EPB41L4B: variants seen among roughly 807,000 people sequenced by gnomAD.
EPB41L4B encodes band 4.1-like protein 4B.
EPB41L4B carries 30 observed loss-of-function variants against 112.5 expected under a neutral mutation model. The observed-to-expected ratio is 0.27, with a 90% CI of 0.20 to 0.36. The LOEUF (loss-of-function observed/expected upper bound fraction) is 0.36, where lower values mean the gene tolerates loss of function less well. Ranked by LOEUF, EPB41L4B falls within the 10% of genes least tolerant of loss-of-function variation. The pLI, the probability that EPB41L4B is intolerant of heterozygous loss-of-function variation, is 1.00. For missense variants in EPB41L4B, 1,024 were observed against 1,133.3 expected (o/e 0.90, Z 1.38); for synonymous variants, 408 against 439.7 (o/e 0.93, Z 0.90).
At chr9:109,259,435 G>A (rs1397186648) in intron 6 of EPB41L4B, among the ~76,000 whole-genome samples, 1 of 152,148 alleles carries the variant, frequency 6.6e-6, no homozygotes, top group Non-Finnish European at 1.5e-5. Flanking sequence ...GGCGACCCTG[G>A]AAAACACTTT....
chr9:109,313,762 G>A (rs750814569), intron 1 of EPB41L4B, among the ~76,000 whole-genome samples: 24 of 152,288 alleles, frequency 1.6e-4, no homozygotes, highest in South Asian at 2.1e-4. Flanking sequence ...GAGGAGAGCC[G>A]AGGGCCTCAC....
Position 109,320,269 on chromosome 9 carries a change from G to A in EPB41L4B, c.178C>T (p.Pro60Ser). The A allele has an allele frequency of 8.4e-7, 1 of 1,191,094 alleles. No homozygotes were observed. The highest frequency in any genetic ancestry group is 1.0e-6 in the Non-Finnish European group (1 of 957,520). The allele number at this position is 1,191,094 out of a possible 1,614,324, so 73.8% of individuals were successfully genotyped here. ...GTGAGCAGGGGCCCGCCGCCCGCCG[G>A]GAACACGCTGCCCCCGGGCGCGGCG... is the stretch of plus-strand genomic sequence containing the variant. ...LPAAPGGSVF[P>S]AGGGPLLTGG... Residue 60 changes from proline (P) to serine (S), a missense_variant, in exon 1 of 26, where the codon CCG becomes TCG. By Grantham distance (74) the Pro-to-Ser change is moderately conservative. Transcript: ENST00000374566.
intron 15 of EPB41L4B, among the ~76,000 whole-genome samples, chr9:109,221,109 T>A (rs1039946110): frequency 6.6e-6 from 1 of 152,186 alleles, no homozygotes; most frequent in South Asian, 2.1e-4. Flanking sequence ...ATCCAGTACT[T>A]GCTGTATGTC....
intron 1 of EPB41L4B, among the ~76,000 whole-genome samples, chr9:109,303,139 G>T (rs540770698): frequency 4.8e-4 from 72 of 150,678 alleles, no homozygotes; most frequent in Non-Finnish European, 8.9e-4. Flanking sequence ...GGTATACATA[G>T]TATGATCCCA....
At chr9:109,306,598 G>C (rs1440460531) in intron 1 of EPB41L4B, among the ~76,000 whole-genome samples, 1 of 129,572 alleles carries the variant, frequency 7.7e-6, no homozygotes, top group East Asian at 2.3e-4. Context: ...GGGCAACAGA[G>C]CGAGCAAAAA....
chr9:109,254,186 C>T (rs191466445), intron 11 of EPB41L4B, among the ~76,000 whole-genome samples: 2 of 152,334 alleles, frequency 1.3e-5, no homozygotes, highest in Admixed American at 1.3e-4. Flanking sequence ...CAGAAAGGAA[C>T]ATGGTCTGGG....
intron 1 of EPB41L4B, chr9:109,300,591 G>A (rs1836923655): frequency 6.6e-6 from 1 of 152,100 alleles, no homozygotes; most frequent in African/African-American, 2.4e-5. Flanking sequence ...TTTGAGAACA[G>A]CCTGGCCAAC....
chr9:109,269,212 C>T (rs953953123), intron 2 of EPB41L4B, among the ~76,000 whole-genome samples: 2 of 152,168 alleles, frequency 1.3e-5, no homozygotes, highest in African/African-American at 4.8e-5. Context: ...ATTCACAACC[C>T]CTTTATTCTT....
rs535541165 is a variant in EPB41L4B, at chr9:109,315,244, C to T, written c.306+4897G>A. Among the ~76,000 whole-genome samples, 105 of 152,234 alleles carry T rather than the reference C, an allele frequency of 6.9e-4. 1 individual carries two copies. Among genetic ancestry groups the T allele is most frequent in the Middle Eastern group, 3.4e-3 (1 of 294 alleles). ...CATGGTGTAGCTGCCTCTGTTCTCA[C>T]AGTTCTAGGGCCAGGGTTTTTCACT... On this transcript the variant is annotated intron_variant, in intron 1 of 25. Transcript: ENST00000374566.
intron 1 of EPB41L4B, among the ~76,000 whole-genome samples, chr9:109,299,659 T>A (rs1241986665): frequency 6.6e-6 from 1 of 152,120 alleles, no homozygotes; most frequent in African/African-American, 2.4e-5. Flanking sequence ...CATGTACAAC[T>A]CAAAGAATTA....
rs1420406068 is a variant in EPB41L4B, at chr9:109,279,908, C to T, written c.320G>A (p.Gly107Asp). Reference sequence around the variant, plus strand: ...CACAATCTGATCAAACAAATCCTGGCCTTTGGCATGTTTCTGGAAGACAAT... The same window carrying T: ...CACAATCTGATCAAACAAATCCTGGTCTTTGGCATGTTTCTGGAAGACAAT... The part of the protein sequence containing the change: ...VSVDLPKHAK[G>D]QDLFDQIVYH... Residue 107 changes from glycine to aspartate, a missense_variant, in exon 2 of 26, where the codon GGC becomes GAC. Transcript: ENST00000374566. The T allele has an allele frequency of 6.2e-7, 1 of 1,613,558 alleles. No homozygotes were observed. The highest frequency in any genetic ancestry group is 1.1e-5 in the South Asian group (1 of 90,912).
chr9:109,287,779 G>T (rs1836353191), intron 1 of EPB41L4B, among the ~76,000 whole-genome samples: 1 of 152,054 alleles, frequency 6.6e-6, no homozygotes, highest in Admixed American at 6.5e-5. Context: ...GACCACAGGT[G>T]TACTCCACTA....
chr9:109,253,650 G>A (rs897556385), intron 11 of EPB41L4B, 100 bp from the exon 12 acceptor site: 52 of 770,558 alleles, frequency 6.7e-5, no homozygotes, highest in Admixed American at 2.0e-4. Context: ...TCCAACGTAC[G>A]TTTCAACTTA....
At chr9:109,257,592 G>C (rs1468713862) in intron 7 of EPB41L4B, among the ~76,000 whole-genome samples, 1 of 152,190 alleles carries the variant, frequency 6.6e-6, no homozygotes, top group Non-Finnish European at 1.5e-5. Context: ...ATGCCCTGGG[G>C]TGTCACTAAG....
intron 2 of EPB41L4B, among the ~76,000 whole-genome samples, chr9:109,278,592 G>A (rs1284400504): frequency 6.6e-6 from 1 of 152,092 alleles, no homozygotes; most frequent in Non-Finnish European, 1.5e-5. Context: ...ACCATTATGG[G>A]AGCTCCAGGT....
At position 109,283,423 on chromosome 9, in the gene EPB41L4B, T is replaced by C. The variant is rs10979800; in HGVS notation, c.307-3502A>G. On this transcript the variant is annotated intron_variant, in intron 1 of 25. Transcript: ENST00000374566. Reference sequence around the variant, plus strand: ...TCTTTCCTTCCTCGACATACTCCTCTGAAGGCAACAGGTCAACAGAAGCAG... The same window carrying C: ...TCTTTCCTTCCTCGACATACTCCTCCGAAGGCAACAGGTCAACAGAAGCAG... 6.3e-3 allele frequency among the ~76,000 whole-genome samples: 956 copies of C among 152,302 alleles called. 22 individuals carry two copies. In the East Asian group the frequency reaches 0.093, roughly 15 times the overall value.
chr9:109,313,715 G>A, intron 1 of EPB41L4B, among the ~76,000 whole-genome samples: 1 of 152,168 alleles, frequency 6.6e-6, no homozygotes, highest in South Asian at 2.1e-4. Flanking sequence ...AGCACTGGGG[G>A]CTCCCCACCC....
chr9:109,307,576 C>T (rs762426028), intron 1 of EPB41L4B, among the ~76,000 whole-genome samples: 10 of 152,172 alleles, frequency 6.6e-5, no homozygotes, highest in Non-Finnish European at 1.3e-4. Flanking sequence ...AGATTGTAAC[C>T]GACTGAGCAG....
chr9:109,236,663 G>A (rs1270833397), intron 15 of EPB41L4B, among the ~76,000 whole-genome samples: 1 of 152,214 alleles, frequency 6.6e-6, no homozygotes, highest in African/African-American at 2.4e-5. Flanking sequence ...AATTTTGGCA[G>A]AAGTGGGCCT....
Sources: allele counts gnomAD v4.1 joint callset (sites outside exome capture counted in the v4.1 genomes callset), GRCh38; gene constraint gnomAD v4.1.1; transcripts MANE v1.5; gene names NCBI Gene and HGNC (gene_info 2026-07-23, HGNC 2026-07-21).